The following PPP1R13L variants were observed in gnomAD, a reference collection of about 807,000 sequenced individuals.
PPP1R13L encodes the protein protein phosphatase 1 regulatory subunit 13 like, also known as relA-associated inhibitor.
Under a neutral mutation model 80.9 loss-of-function variants are expected in PPP1R13L, and 50 were observed. The ratio of observed to expected loss-of-function variants is 0.62; its 90% CI spans 0.49 to 0.78. The LOEUF (loss-of-function observed/expected upper bound fraction) is 0.78. Among genes scored for constraint, PPP1R13L ranks in the 30% least tolerant of loss-of-function variants. The pLI is 0.00. For missense variants in PPP1R13L, 1,200 were observed against 1,205.9 expected (o/e 1.00, Z 0.07); for synonymous variants, 602 against 534.3 (o/e 1.13, Z -1.75).
Position 45,397,028 on chromosome 19 carries a change from C to T in PPP1R13L, c.229G>A (p.Glu77Lys), listed in dbSNP as rs563032958. 4.4e-6 allele frequency: 6 copies of T among 1,360,554 alleles called. No homozygotes were observed. Among genetic ancestry groups the T allele is most frequent in the Non-Finnish European group, 5.7e-6 (6 of 1,058,976 alleles). 84.3% of individuals were successfully genotyped at this position (1,360,554 alleles called of 1,614,324 possible). A position where few individuals can be genotyped will look rare whatever the true frequency, so the allele number is the denominator to read the frequency against. Reference protein sequence around the residue: ...PPRYSSSSIPEPFGSRGSPRK... With the variant: ...PPRYSSSSIPKPFGSRGSPRK... ...GGGGACCCTCGGCTGCCGAAGGGCT[C>T]AGGGATCGAGCTGGAGCTGTACCGG... The change falls in exon 4 of 13, where the codon GAG (glutamate) becomes AAG (lysine). Residue 77 changes from glutamate (E) to lysine (K), a missense_variant. By Grantham distance (56) the Glu-to-Lys change is moderately conservative (BLOSUM62 1). Coordinates refer to ENST00000360957, the MANE Select transcript of PPP1R13L (RefSeq NM_006663.4).
rs1379528825 is a variant in PPP1R13L, at chr19:45,382,652, C to T, written c.2323G>A (p.Asp775Asn). 1 of 1,613,962 alleles carries T rather than the reference C, an allele frequency of 6.2e-7. No individual in the cohort carries two copies. The highest frequency in any genetic ancestry group is 1.1e-5 in the South Asian group (1 of 91,086). ...ALWDYSAEFG[D>N]ELSFREGESV... The stretch of plus-strand genomic sequence containing the variant: ...TCGCCCTCGCGGAAGGACAGCTCGT[C>T]CCCGAACTCGGCGCTGTAGTCCCAG... Residue 775 changes from aspartate (D) to asparagine (N), a missense_variant, in exon 12 of 13, where the codon GAC (aspartate) becomes AAC (asparagine). Asp to Asn is a conservative substitution (Grantham distance 23). Around this residue, in one of 5 missense-constraint regions of PPP1R13L, gnomAD observed 165 missense variants for 177.1 expected, o/e 0.93. Transcript: ENST00000360957.
chr19:45,395,662 G>A lies in PPP1R13L; in HGVS notation c.1128C>T (p.Phe376=). 1 of 1,382,992 alleles carries A rather than the reference G, an allele frequency of 7.2e-7. No individual in the cohort carries two copies. Among genetic ancestry groups the A allele is most frequent in the Non-Finnish European group, 9.4e-7 (1 of 1,067,160 alleles). The allele number at this position is 1,382,992 out of a possible 1,614,324, so 85.7% of individuals were successfully genotyped here. The part of the protein sequence containing the change: ...RQRPIPLSMI[F]KLQNAFWEHG... ...GCTCCCAGAAGGCGTTCTGCAGCTT[G>A]AAGATCATGCTGAGGGGGATGGGAC... Residue 376 remains phenylalanine, a synonymous_variant, in exon 7 of 13, where the codon TTC becomes TTT. Coordinates refer to ENST00000360957, the MANE Select transcript of PPP1R13L (RefSeq NM_006663.4).
chr19:45,396,946 G>T lies in PPP1R13L; in HGVS notation c.311C>A (p.Pro104Gln). The change falls in exon 4 of 13, where the codon CCA (proline) becomes CAA (glutamine). Residue 104 changes from proline (P) to glutamine (Q), a missense_variant. This residue lies in a region of PPP1R13L where 764 missense variants were observed against 714.5 expected (regional missense o/e 1.07). Transcript: ENST00000360957. The surrounding 1 kb of genome is among the most constrained non-coding windows in gnomAD (Gnocchi z 5.3). ...CAGCGGGCTGTAGGGGTGTAGGGTT[G>T]GGGCACTCTCTGATCGTCCGAACGG... Reference protein sequence around the residue: ...DTPFGRSESAPTLHPYSPLSP... With the variant: ...DTPFGRSESAQTLHPYSPLSP... The T allele has an allele frequency of 7.0e-7, 1 of 1,436,984 alleles. No individual in the cohort carries two copies. Among genetic ancestry groups the T allele is most frequent in the Non-Finnish European group, 9.1e-7 (1 of 1,097,634 alleles). 89.0% of individuals were successfully genotyped at this position (1,436,984 alleles called of 1,614,324 possible).
intron 8 of PPP1R13L, among the ~76,000 whole-genome samples, chr19:45,389,549 C>T (rs1227054636): frequency 1.3e-5 from 2 of 152,108 alleles, no homozygotes; most frequent in Non-Finnish European, 2.9e-5. Flanking sequence ...GTGGCTCACA[C>T]CTGTAATCCC....
rs991290437 is a variant in PPP1R13L, at chr19:45,395,477, G to A, written c.1313C>T (p.Ala438Val). Reference protein sequence around the residue: ...PQTQPQTPTPAPQHPQQTWPP... With the variant: ...PQTQPQTPTPVPQHPQQTWPP... ...CCATGTCTGTTGGGGATGCTGGGGGGCTGGGGTAGGGGTTTGGGGTTGGGT... is the reference window on the plus strand; with the variant it reads ...CCATGTCTGTTGGGGATGCTGGGGGACTGGGGTAGGGGTTTGGGGTTGGGT... The change falls in exon 7 of 13, where the codon GCC (alanine) becomes GTC (valine). Residue 438 changes from alanine to valine, a missense_variant. Physicochemically the swap from Ala to Val is moderately conservative, Grantham distance 64. This residue lies in a region of PPP1R13L where 764 missense variants were observed against 714.5 expected (regional missense o/e 1.07). Coordinates refer to ENST00000360957, the MANE Select transcript of PPP1R13L (RefSeq NM_006663.4). The A allele has an allele frequency of 2.0e-6, 3 of 1,501,580 alleles. No homozygotes were observed. The highest frequency in any genetic ancestry group is 2.4e-5 in the South Asian group (2 of 82,502). The allele number at this position is 1,501,580 out of a possible 1,614,324, so 93.0% of individuals were successfully genotyped here.
intron 8 of PPP1R13L, 66 bp downstream of exon 8, chr19:45,391,814 G>A: frequency 8.0e-7 from 1 of 1,252,116 alleles, no homozygotes; most frequent in Non-Finnish European, 1.1e-6. Flanking sequence ...ATATTTGGGG[G>A]GCTCTTTGCT....
At chr19:45,382,772 T>C (rs1325621320) in intron 11 of PPP1R13L, 46 bp from the exon 12 acceptor site, 9 of 1,598,928 alleles carry the variant, frequency 5.6e-6, no homozygotes, top group Non-Finnish European at 7.7e-6. Context: ...GCCCAGGGGG[T>C]CCAGGAACAG....
chr19:45,398,480 A>G (rs1171976206), intron 1 of PPP1R13L, 141 bp from the exon 2 acceptor site: 9 of 818,334 alleles, frequency 1.1e-5, no homozygotes, highest in Admixed American at 5.7e-5. Context: ...TCACCTCCCC[A>G]GCTGGGAAAT....
chr19:45,401,843 T>C (rs1308173028), intron 1 of PPP1R13L, among the ~76,000 whole-genome samples: 1 of 151,994 alleles, frequency 6.6e-6, no homozygotes, highest in Non-Finnish European at 1.5e-5. Flanking sequence ...CTTCTGCCTG[T>C]AATCCTTGCA....
At chr19:45,385,255 G>A (rs35636940) in intron 11 of PPP1R13L, among the ~76,000 whole-genome samples, 4,464 of 152,298 alleles carry the variant, frequency 0.029, 253 homozygotes, top group East Asian at 0.25. Context: ...CAGGTAGATG[G>A]CAGGGTTGAA....
chr19:45,388,263 TTTTA>T (rs561010225), intron 8 of PPP1R13L, among the ~76,000 whole-genome samples: 5 of 152,248 alleles, frequency 3.3e-5, no homozygotes, highest in Middle Eastern at 3.4e-3. Flanking sequence ...TTTCTTCTAT[TTTTA>T]TTTATTTTCC....
At position 45,396,897 on chromosome 19, in the gene PPP1R13L, C is replaced by A; in HGVS notation, c.360G>T (p.Ser120=). Residue 120 remains serine, a synonymous_variant, in exon 4 of 13, where the codon TCG becomes TCT. Coordinates refer to ENST00000360957, the MANE Select transcript of PPP1R13L (RefSeq NM_006663.4). This position sits in a 1 kb window ranked among gnomAD's most constrained non-coding sequence, Gnocchi z 5.3. ...SPLSPKGRPS[S]PRTPLYLQPD... ...GCTGCAGGTAGAGCGGGGTGCGCGG[C>A]GACGACGGCCGTCCCTTGGGGGACA... The A allele has an allele frequency of 2.0e-6, 3 of 1,516,374 alleles. No homozygotes were observed. The highest frequency in any genetic ancestry group is 1.3e-5 in the South Asian group (1 of 79,512). 93.9% of individuals were successfully genotyped at this position (1,516,374 alleles called of 1,614,324 possible). A position where few individuals can be genotyped will look rare whatever the true frequency, so the allele number is the denominator to read the frequency against.
chr19:45,386,211 T>A, intron 8 of PPP1R13L, 31 bp from the exon 9 acceptor site: 1 of 1,479,570 alleles, frequency 6.8e-7, no homozygotes, highest in African/African-American at 1.4e-5. Context: ...GTCAGCGACT[T>A]GGAGGGATTG....
intron 1 of PPP1R13L, among the ~76,000 whole-genome samples, chr19:45,403,872 A>G (rs768100172): frequency 6.6e-6 from 1 of 152,052 alleles, no homozygotes; most frequent in South Asian, 2.1e-4. Flanking sequence ...GGAGATAGAC[A>G]GAGGGAGGTG....
intron 12 of PPP1R13L, among the ~76,000 whole-genome samples, chr19:45,380,956 AATTTT>A: frequency 6.7e-6 from 1 of 150,344 alleles, no homozygotes; most frequent in Admixed American, 6.6e-5. Context: ...GTTACACTGT[AATTTT>A]ATTAATGGAT....
rs751007853 is a variant in PPP1R13L at position 45,385,951 on chromosome 19, C to A, written c.1954G>T (p.Asp652Tyr). Residue 652 changes from aspartate (D) to tyrosine (Y), a missense_variant, in exon 10 of 13, where the codon GAC (aspartate) becomes TAC (tyrosine). Asp to Tyr is a radical substitution (Grantham distance 160). Coordinates refer to ENST00000360957, the MANE Select transcript of PPP1R13L (RefSeq NM_006663.4). ...VVQQAVKEMN[D>Y]PSQPNEEGIT... ...CCCTCCTCGTTGGGCTGGCTCGGGTCGTTCATCTGAGTGCACCGGGGGAGG... is the reference window on the plus strand; with the variant it reads ...CCCTCCTCGTTGGGCTGGCTCGGGTAGTTCATCTGAGTGCACCGGGGGAGG... 3 of 1,610,790 alleles carry A rather than the reference C, an allele frequency of 1.9e-6. No individual in the cohort carries two copies. Among genetic ancestry groups the A allele is most frequent in the East Asian group, 4.5e-5 (2 of 44,768 alleles).
At chr19:45,401,389 G>A (rs1285875888) in intron 1 of PPP1R13L, among the ~76,000 whole-genome samples, 1 of 151,402 alleles carries the variant, frequency 6.6e-6, no homozygotes, top group African/African-American at 2.4e-5. Context: ...TAGAGACAGG[G>A]GTCTCACTTT....
Position 45,396,562 on chromosome 19 carries a change from G to A in PPP1R13L, c.695C>T (p.Pro232Leu), listed in dbSNP as rs776574549. 4 of 1,523,554 alleles carry A rather than the reference G, an allele frequency of 2.6e-6. No individual in the cohort carries two copies. Among genetic ancestry groups the A allele is most frequent in the Non-Finnish European group, 3.5e-6 (4 of 1,142,992 alleles). The allele number at this position is 1,523,554 out of a possible 1,614,324, so 94.4% of individuals were successfully genotyped here. ...GGGTTCACCTTGCGCGCGCAGAGGC[G>A]GGGCGAATGCGCTGCCGCCGGAGCC... is the stretch of plus-strand genomic sequence containing the variant. ...LLGSGGSAFA[P>L]PLRAQDDLTL... Residue 232 changes from proline to leucine, a missense_variant, in exon 4 of 13, where the codon CCG becomes CTG. Physicochemically the swap from Pro to Leu is moderately conservative, Grantham distance 98 (BLOSUM62 -3). Transcript: ENST00000360957. The surrounding 1 kb of genome is among the most constrained non-coding windows in gnomAD (Gnocchi z 5.3).
chr19:45,386,096 C>A lies in PPP1R13L; in HGVS notation c.1900G>T (p.Ala634Ser). 1 of 1,578,450 alleles carries A rather than the reference C, an allele frequency of 6.3e-7. No individual in the cohort carries two copies. Among genetic ancestry groups the A allele is most frequent in the Non-Finnish European group, 8.6e-7 (1 of 1,167,344 alleles). Residue 634 changes from alanine to serine, a missense_variant, in exon 9 of 13, where the codon GCG becomes TCG. Physicochemically the swap from Ala to Ser is moderately conservative, Grantham distance 99. Coordinates refer to ENST00000360957, the MANE Select transcript of PPP1R13L (RefSeq NM_006663.4). ...RLNPLVLLLD[A>S]ALTGELEVVQ... The stretch of plus-strand genomic sequence containing the variant: ...ACCTCCAGCTCCCCGGTCAGCGCCG[C>A]GTCCAGGAGGAGCACCAGAGGGTTG...
Sources: allele counts gnomAD v4.1 joint callset (sites outside exome capture counted in the v4.1 genomes callset), GRCh38; gene constraint gnomAD v4.1.1; regional missense constraint gnomAD v4.1.1; non-coding constraint Gnocchi (gnomAD v3.1); transcripts MANE v1.5; gene names NCBI Gene and HGNC (gene_info 2026-07-23, HGNC 2026-07-21).